The following SMARCC1 variants were observed in gnomAD, a reference collection of about 807,000 sequenced individuals.
SMARCC1 encodes SWI/SNF complex subunit SMARCC1.
In SMARCC1, 43 loss-of-function variants were observed where a neutral mutation model predicts 147.4. The observed-to-expected ratio is 0.29, with a 90% CI of 0.23 to 0.38. The LOEUF (loss-of-function observed/expected upper bound fraction) is 0.38, where lower values mean the gene tolerates loss of function less well. Among genes scored for constraint, SMARCC1 ranks in the 10% least tolerant of loss-of-function variants. The pLI is 1.00. For synonymous variants in SMARCC1, 495 were observed against 484.4 expected (o/e 1.02, Z -0.29); for missense variants, 1,119 against 1,381.1 (o/e 0.81, Z 3.01).
At chr3:47,770,029 T>C (rs2034888298) in intron 2 of SMARCC1, among the ~76,000 whole-genome samples, 2 of 150,664 alleles carry the variant, frequency 1.3e-5, no homozygotes, top group South Asian at 4.2e-4. Flanking sequence ...ATTGAGGCCA[T>C]CCTAGCTAAC....
chr3:47,670,687 T>C lies in SMARCC1; in HGVS notation c.1870A>G (p.Thr624Ala), dbSNP rs2033483421. 1.3e-6 allele frequency: 2 copies of C among 1,596,040 alleles called. No individual in the cohort carries two copies. The highest frequency in any genetic ancestry group is 2.7e-5 in the African/African-American group (2 of 74,698). Residue 624 changes from threonine (T) to alanine (A), a missense_variant, in exon 19 of 28, where the codon ACT (threonine) becomes GCT (alanine). By Grantham distance (58) the Thr-to-Ala change is moderately conservative. Transcript: ENST00000254480. ...SKGASAGREWTEQETLLLLEA... is the reference protein window; with the variant it reads ...SKGASAGREWAEQETLLLLEA... ...AGGAGTAGAAGGGTCTCCTGTTCAG[T>C]CCATTCTCTTCCAGCACTAGCACCT...
chr3:47,714,592 A>C, intron 7 of SMARCC1, 102 bp from the exon 8 acceptor site: 1 of 654,640 alleles, frequency 1.5e-6, no homozygotes, highest in Non-Finnish European at 2.7e-6. Flanking sequence ...TACTACTAAA[A>C]TCCCAGCCTG....
At chr3:47,592,225 A>G (rs185060779) in intron 26 of SMARCC1, among the ~76,000 whole-genome samples, 2 of 152,356 alleles carry the variant, frequency 1.3e-5, no homozygotes, top group African/African-American at 4.8e-5. Context: ...TTTTCTATAA[A>G]GAGCCAGATA....
intron 24 of SMARCC1, among the ~76,000 whole-genome samples, chr3:47,633,383 G>A (rs893721883): frequency 1.3e-5 from 2 of 152,016 alleles, no homozygotes; most frequent in East Asian, 3.9e-4. Flanking sequence ...AATGAGCCGA[G>A]GTTGCAGGTT....
rs894128920 is a variant in SMARCC1, at chr3:47,710,872, T to C, written c.793-64A>G. On this transcript the variant is annotated intron_variant, in intron 8 of 27. Coordinates refer to ENST00000254480, the MANE Select transcript of SMARCC1 (RefSeq NM_003074.4). ...CAAAATCACTCAAGGTTTTACAGTA[T>C]TGAGAAGGAAACAAGCTGATTTATT... The C allele has an allele frequency of 9.4e-6, 13 of 1,383,914 alleles. No individual in the cohort carries two copies. Among genetic ancestry groups the C allele is most frequent in the African/African-American group, 4.4e-5 (3 of 68,700 alleles). The allele number at this position is 1,383,914 out of a possible 1,614,324, so 85.7% of individuals were successfully genotyped here. A position where few individuals can be genotyped will look rare whatever the true frequency, so the allele number is the denominator to read the frequency against.
chr3:47,731,037 T>C (rs1388355923), intron 5 of SMARCC1, among the ~76,000 whole-genome samples: 2 of 152,172 alleles, frequency 1.3e-5, no homozygotes, highest in African/African-American at 2.4e-5. Context: ...GTTTGTCACA[T>C]TGATTGACTC....
At chr3:47,683,719 G>A (rs539525522) in intron 14 of SMARCC1, among the ~76,000 whole-genome samples, 10 of 151,848 alleles carry the variant, frequency 6.6e-5, no homozygotes, top group South Asian at 2.1e-4. Flanking sequence ...CTGAGACTCC[G>A]TCTCAAAAAA....
intron 24 of SMARCC1, among the ~76,000 whole-genome samples, chr3:47,629,694 C>T (rs1042947472): frequency 1.3e-5 from 2 of 151,998 alleles, no homozygotes; most frequent in Non-Finnish European, 2.9e-5. Context: ...CCATCTCAGC[C>T]GAGGCATAGG....
chr3:47,656,824 G>A (rs960813856), intron 21 of SMARCC1, among the ~76,000 whole-genome samples: 3 of 152,100 alleles, frequency 2.0e-5, no homozygotes, highest in Non-Finnish European at 4.4e-5. Flanking sequence ...TAAGGCAGGA[G>A]GATCACTTGA....
chr3:47,712,992 A>G (rs1167244036), intron 8 of SMARCC1, among the ~76,000 whole-genome samples: 1 of 152,040 alleles, frequency 6.6e-6, no homozygotes, highest in Non-Finnish European at 1.5e-5. Flanking sequence ...AGATGATAGT[A>G]TAATTTCAAC....
At chr3:47,758,394 C>A (rs894351471) in intron 2 of SMARCC1, among the ~76,000 whole-genome samples, 95 of 145,434 alleles carry the variant, frequency 6.5e-4, no homozygotes, top group Admixed American at 9.6e-4. Flanking sequence ...AAAAAAAAAA[C>A]AAAAACTAGC....
chr3:47,700,147 C>G (rs187085859), intron 11 of SMARCC1, among the ~76,000 whole-genome samples: 7 of 151,282 alleles, frequency 4.6e-5, no homozygotes, highest in Admixed American at 4.6e-4. Context: ...GTTCTAATTC[C>G]TCCTGTTATT....
At chr3:47,773,014 C>T in intron 1 of SMARCC1, 78 bp from the exon 2 acceptor site, 1 of 1,338,764 alleles carries the variant, frequency 7.5e-7, no homozygotes, top group Non-Finnish European at 1.0e-6. Context: ...CTAGTACCTA[C>T]TAAGTACTTA....
chr3:47,723,576 G>A (rs1176612918), intron 6 of SMARCC1, among the ~76,000 whole-genome samples: 1 of 152,120 alleles, frequency 6.6e-6, no homozygotes, highest in African/African-American at 2.4e-5. Flanking sequence ...CACTTTGGGA[G>A]GTCAAGGCGG....
At chr3:47,670,945 G>A (rs1253862193) in intron 18 of SMARCC1, among the ~76,000 whole-genome samples, 4 of 151,872 alleles carry the variant, frequency 2.6e-5, no homozygotes, top group Non-Finnish European at 5.9e-5. Flanking sequence ...CAGCCCTTGG[G>A]AGGGCAAGGT....
chr3:47,701,074 G>C (rs1201348808), intron 11 of SMARCC1, among the ~76,000 whole-genome samples: 2 of 151,968 alleles, frequency 1.3e-5, no homozygotes, highest in African/African-American at 4.8e-5. Flanking sequence ...AGATGTTTTT[G>C]GTCGCTGTAA....
intron 21 of SMARCC1, among the ~76,000 whole-genome samples, chr3:47,652,748 T>C (rs761863073): frequency 6.6e-6 from 1 of 152,002 alleles, no homozygotes; most frequent in Non-Finnish European, 1.5e-5. Flanking sequence ...TTTGTATGCC[T>C]AGAATGGTCC....
chr3:47,700,136 G>A (rs546420635), intron 11 of SMARCC1, among the ~76,000 whole-genome samples: 2 of 151,152 alleles, frequency 1.3e-5, no homozygotes, highest in Non-Finnish European at 2.9e-5. Flanking sequence ...AACCAGAAAA[G>A]GTTCTAATTC....
chr3:47,612,296 T>C (rs932826204), intron 25 of SMARCC1, among the ~76,000 whole-genome samples: 1 of 152,232 alleles, frequency 6.6e-6, no homozygotes, highest in African/African-American at 2.4e-5. Context: ...TCTAGGAATT[T>C]AGGACTCTGA....
Sources: gnomAD v4.1 joint callset for allele counts (sites outside exome capture counted in the v4.1 genomes callset) on GRCh38, gnomAD v4.1.1 for gene constraint, MANE v1.5 for transcripts, NCBI Gene and HGNC (gene_info 2026-07-23, HGNC 2026-07-21) for gene names.